Variants in CNTNAP1 observed in about 807,000 individuals in gnomAD.
The protein encoded by CNTNAP1 is contactin associated protein 1, also known as contactin-associated protein 1.
A neutral mutation model predicts 161.5 loss-of-function variants in CNTNAP1; 80 were observed. That is an observed-to-expected ratio of 0.50 (90% CI 0.41 to 0.60). The LOEUF is 0.60. Among genes scored for constraint, CNTNAP1 ranks in the 20% least tolerant of loss-of-function variants. The pLI is 0.00. For missense variants in CNTNAP1, 1,464 were observed against 1,854.8 expected (o/e 0.79, Z 3.87); for synonymous variants, 695 against 733.1 (o/e 0.95, Z 0.84).
At chr17:42,689,158 G>A (rs944831878) in intron 10 of CNTNAP1, 111 bp downstream of exon 10, 23 of 1,104,188 alleles carry the variant, frequency 2.1e-5, no homozygotes, top group Non-Finnish European at 3.0e-5. Context: ...CTGCTCCTTA[G>A]TCCCCTGCTT....
chr17:42,686,756 A>T, intron 6 of CNTNAP1, 147 bp from the exon 7 acceptor site: 1 of 942,886 alleles, frequency 1.1e-6, no homozygotes, highest in Non-Finnish European at 1.5e-6. Context: ...AGGCCTAGCG[A>T]GCTTTAGTAC....
chr17:42,696,288 T>G, intron 20 of CNTNAP1, 136 bp downstream of exon 20: 1 of 1,146,508 alleles, frequency 8.7e-7, no homozygotes, highest in Non-Finnish European at 1.2e-6. Flanking sequence ...TGTCACCTCA[T>G]GTAACCCTCA....
chr17:42,699,071 A>G lies in CNTNAP1; in HGVS notation c.*161A>G, dbSNP rs1448404223. 1.7e-6 allele frequency: 1 copy of G among 576,448 alleles called. No individual in the cohort carries two copies. Among genetic ancestry groups the G allele is most frequent in the Admixed American group, 3.4e-5 (1 of 29,762 alleles). The allele number at this position is 576,448 out of a possible 1,614,324, so 35.7% of individuals were successfully genotyped here. ...TCAAGTTTGGTGGGCAGAGCTACAG[A>G]TGGGACCCAAGGGAGTGGCCGAGCC... On this transcript the variant is annotated 3_prime_UTR_variant, in exon 24 of 24. Coordinates refer to ENST00000264638, the MANE Select transcript of CNTNAP1 (RefSeq NM_003632.3).
intron 10 of CNTNAP1, 101 bp from the exon 11 acceptor site, chr17:42,689,420 T>G (rs1597806950): frequency 1.1e-6 from 1 of 919,698 alleles, no homozygotes. Flanking sequence ...TCTCACCGGG[T>G]TCTGGGGCTT....
intron 10 of CNTNAP1, 126 bp downstream of exon 10, chr17:42,689,173 A>G: frequency 1.0e-6 from 1 of 953,652 alleles, no homozygotes; most frequent in Non-Finnish European, 1.5e-6. Context: ...CTGCTTGGGG[A>G]TGATTCTTCT....
chr17:42,697,594 C>T lies in CNTNAP1; in HGVS notation c.3609C>T (p.Thr1203=). ...VIDPEIQRYN[T]PGFSGCLSGV... ...ACCCGGAGATCCAGCGCTACAACAC[C>T]CCAGGTTTCTCAGGCTGCCTGTCTG... The change falls in exon 22 of 24, where the codon ACC becomes ACT. Residue 1203 remains threonine, a synonymous_variant. Coordinates refer to ENST00000264638, the MANE Select transcript of CNTNAP1 (RefSeq NM_003632.3). 6.2e-7 allele frequency: 1 copy of T among 1,614,108 alleles called. No homozygotes were observed. Among genetic ancestry groups the T allele is most frequent in the Non-Finnish European group, 8.5e-7 (1 of 1,180,020 alleles).
rs1288422848 is a variant in CNTNAP1 at position 42,696,084 on chromosome 17, C to T, written c.3406C>T (p.Arg1136Ter). 2.5e-6 allele frequency: 4 copies of T among 1,614,150 alleles called. No individual in the cohort carries two copies. Among genetic ancestry groups the T allele is most frequent in the South Asian group, 2.2e-5 (2 of 91,072 alleles). The change falls in exon 20 of 24, where the codon CGA becomes TGA. Residue 1136 changes from arginine to a stop codon, truncating the protein, a stop_gained. Coordinates refer to ENST00000264638, the MANE Select transcript of CNTNAP1 (RefSeq NM_003632.3). LOFTEE classifies it high-confidence loss of function. ...TSPYVYQLTT[R>*]PVTDGQPHSI... ...TCCCTACGTGTACCAGCTAACCACT[C>T]GACCAGTGACCGATGGCCAGCCCCA...
In CNTNAP1 at chr17:42,695,887, G is replaced by A. The variant is rs1205840566; in HGVS notation, c.3346+13G>A. The A allele has an allele frequency of 1.6e-5, 25 of 1,605,588 alleles. No homozygotes were observed. The highest frequency in any genetic ancestry group is 2.2e-5 in the East Asian group (1 of 44,740). ...ATCAAGGATGATGGTAAGCTCTCCC[G>A]GGCTCTCTCACCCCACTCCAGCTTC... On this transcript the variant is annotated intron_variant, in intron 19 of 23. Transcript: ENST00000264638.
rs780367629 is a variant in CNTNAP1 at position 42,691,981 on chromosome 17, G to A, written c.2520G>A (p.Val840=). Residue 840 remains valine (V), a synonymous_variant, in exon 16 of 24, where the codon GTG becomes GTA. Coordinates refer to ENST00000264638, the MANE Select transcript of CNTNAP1 (RefSeq NM_003632.3). This position sits in a 1 kb window ranked among gnomAD's most constrained non-coding sequence, Gnocchi z 4.3. ...YCQWRRPYVR[V]ELNTSRDVVF... ...AGTGGCGCCGACCTTATGTGCGGGTGGAACTCAACAGTGAGCAGGCAGACT... is the reference window on the plus strand; with the variant it reads ...AGTGGCGCCGACCTTATGTGCGGGTAGAACTCAACAGTGAGCAGGCAGACT... 1 of 1,613,912 alleles carries A rather than the reference G, an allele frequency of 6.2e-7. No homozygotes were observed. The highest frequency in any genetic ancestry group is 1.1e-5 in the South Asian group (1 of 91,072).
Position 42,698,643 on chromosome 17 carries a change from G to A in CNTNAP1, c.3888G>A (p.Gly1296=). The change falls in exon 24 of 24, where the codon GGG becomes GGA. Residue 1296 remains glycine, a synonymous_variant. Coordinates refer to ENST00000264638, the MANE Select transcript of CNTNAP1 (RefSeq NM_003632.3). ...LGFLVAFLLL[G]LVGMLVLFYL... ...TTTTGGTGGCCTTTCTGCTGCTGGG[G>A]CTGGTGGGAATGTTGGTGCTCTTCT... 1.2e-6 allele frequency: 2 copies of A among 1,601,030 alleles called. No individual in the cohort carries two copies. Among genetic ancestry groups the A allele is most frequent in the Non-Finnish European group, 1.7e-6 (2 of 1,170,422 alleles).
intron 8 of CNTNAP1, 36 bp downstream of exon 8, chr17:42,688,017 A>T: frequency 1.3e-6 from 2 of 1,599,150 alleles, no homozygotes; most frequent in South Asian, 2.2e-5. Flanking sequence ...AGAAGAGAAG[A>T]GAAGTGTAGA....
At chr17:42,688,423 T>C in intron 8 of CNTNAP1, 39 bp from the exon 9 acceptor site, 1 of 1,613,840 alleles carries the variant, frequency 6.2e-7, no homozygotes, top group Non-Finnish European at 8.5e-7. Flanking sequence ...CCCTAGTTGC[T>C]GCTTCCCTCC....
At position 42,696,092 on chromosome 17, in the gene CNTNAP1, G is replaced by A. The variant is rs2053148772; in HGVS notation, c.3414G>A (p.Val1138=). Residue 1138 remains valine (V), a synonymous_variant, in exon 20 of 24, where the codon GTG becomes GTA. Coordinates refer to ENST00000264638, the MANE Select transcript of CNTNAP1 (RefSeq NM_003632.3). ...PYVYQLTTRP[V]TDGQPHSINI... ...TGTACCAGCTAACCACTCGACCAGT[G>A]ACCGATGGCCAGCCCCATAGCATCA... 6.2e-7 allele frequency: 1 copy of A among 1,613,998 alleles called. No homozygotes were observed. The highest frequency in any genetic ancestry group is 1.7e-5 in the Admixed American group (1 of 59,990).
At position 42,691,802 on chromosome 17, in the gene CNTNAP1, C is replaced by A; in HGVS notation, c.2345-4C>A. On this transcript the variant is annotated splice_polypyrimidine_tract_variant and splice_region_variant and intron_variant, in intron 15 of 23. Coordinates refer to ENST00000264638, the MANE Select transcript of CNTNAP1 (RefSeq NM_003632.3). The surrounding 1 kb of genome is among the most constrained non-coding windows in gnomAD (Gnocchi z 4.3). ...ACAAGACCTTCCTCCATCTGCTTTT[C>A]TAGGAAATTCCTGGAACACCATTTC... 6.2e-7 allele frequency: 1 copy of A among 1,613,724 alleles called. No individual in the cohort carries two copies. Among genetic ancestry groups the A allele is most frequent in the Non-Finnish European group, 8.5e-7 (1 of 1,179,732 alleles).
At position 42,685,970 on chromosome 17, in the gene CNTNAP1, C is replaced by G; in HGVS notation, c.729C>G (p.Ile243Met). The G allele has an allele frequency of 6.2e-7, 1 of 1,614,152 alleles. No individual in the cohort carries two copies. ...CCCCACCCTCAGGCAGCAGCCCTAT[C>G]CAGCCAAGACCAGGTCACACCACCG... The part of the protein sequence containing the change: ...LLHMSLGSSP[I>M]QPRPGHTTVS... The change falls in exon 6 of 24, where the codon ATC becomes ATG. Residue 243 changes from isoleucine to methionine, a missense_variant. Transcript: ENST00000264638. This position sits in a 1 kb window ranked among gnomAD's most constrained non-coding sequence, Gnocchi z 5.0.
rs754503459 is a variant in CNTNAP1, at chr17:42,693,384, C to T, written c.2840C>T (p.Ala947Val). The stretch of plus-strand genomic sequence containing the variant: ...GTGACTCTGAACCTGGAGGGCCGTG[C>T]CAATGCCTCTGAGGGTACCTCACCC... ...NGVTLNLEGR[A>V]NASEGTSPNC... Residue 947 changes from alanine to valine, a missense_variant, in exon 18 of 24, where the codon GCC becomes GTC. Physicochemically the swap from Ala to Val is moderately conservative, Grantham distance 64 (BLOSUM62 0). Transcript: ENST00000264638. The T allele has an allele frequency of 1.2e-6, 2 of 1,614,218 alleles. No individual in the cohort carries two copies. The highest frequency in any genetic ancestry group is 1.7e-6 in the Non-Finnish European group (2 of 1,180,032).
intron 3 of CNTNAP1, 150 bp downstream of exon 3, chr17:42,684,379 A>G (rs113004468): frequency 2.7e-6 from 2 of 741,590 alleles, no homozygotes; most frequent in Non-Finnish European, 4.4e-6. Flanking sequence ...GTCCAGAGGG[A>G]CTGTCAGCTT....
intron 9 of CNTNAP1, 71 bp from the exon 10 acceptor site, chr17:42,688,805 C>T (rs75496626): frequency 6.3e-7 from 1 of 1,584,910 alleles, no homozygotes; most frequent in South Asian, 1.1e-5. Context: ...CTGGCTCCCC[C>T]TCAGCATGTC....
In CNTNAP1 at chr17:42,685,333, G is replaced by C; in HGVS notation, c.628G>C (p.Gly210Arg). The change falls in exon 5 of 24, where the codon GGT (glycine) becomes CGT (arginine). Residue 210 changes from glycine (G) to arginine (R), a missense_variant. Gly to Arg is a moderately radical substitution (Grantham distance 125). Around this residue, in one of 3 missense-constraint regions of CNTNAP1, gnomAD observed 1,383 missense variants for 1,765.0 expected, o/e 0.78. Transcript: ENST00000264638. The surrounding 1 kb of genome is among the most constrained non-coding windows in gnomAD (Gnocchi z 5.0). ...AFSFKTEEKD[G>R]LLLHAEGAQG... ...CAGCTTCAAGACCGAGGAGAAGGAC[G>C]GTCTTCTGCTGCACGCCGAGGGCGC... The C allele has an allele frequency of 6.2e-7, 1 of 1,611,764 alleles. No homozygotes were observed. Among genetic ancestry groups the C allele is most frequent in the Non-Finnish European group, 8.5e-7 (1 of 1,180,022 alleles).
Sources: allele counts gnomAD v4.1 joint callset, GRCh38; gene constraint gnomAD v4.1.1; regional missense constraint gnomAD v4.1.1; non-coding constraint Gnocchi (gnomAD v3.1); transcripts MANE v1.5; gene names NCBI Gene and HGNC (gene_info 2026-07-23, HGNC 2026-07-21).